The following ANXA8 variants were observed in gnomAD, a reference collection of about 807,000 sequenced individuals.
ANXA8 encodes the protein annexin A8.
Under a neutral mutation model 26.8 loss-of-function variants are expected in ANXA8, and 9 were observed. That is an observed-to-expected ratio of 0.34 (90% CI 0.20 to 0.59). The LOEUF (loss-of-function observed/expected upper bound fraction) is 0.59. Ranked by LOEUF, ANXA8 falls within the 20% of genes least tolerant of loss-of-function variation. The pLI, the probability that ANXA8 is intolerant of heterozygous loss-of-function variation, is 0.84. For synonymous variants in ANXA8, 39 were observed against 94.8 expected, an observed-to-expected ratio of 0.41 and a Z score of 3.42; for missense variants, 83 against 238.5, an observed-to-expected ratio of 0.35 and a Z score of 4.29.
the ANXA8 span, among the ~76,000 whole-genome samples, chr10:47,968,748 T>A: frequency 6.6e-6 from 1 of 151,220 alleles, no homozygotes; most frequent in East Asian, 1.9e-4. Flanking sequence ...CATCAAAAGT[T>A]ACAAAGGCAA....
the ANXA8 span, among the ~76,000 whole-genome samples, chr10:47,702,183 C>G: frequency 6.7e-6 from 1 of 149,284 alleles, no homozygotes; most frequent in Non-Finnish European, 1.5e-5. Context: ...TAAATGGATA[C>G]AGAAATATAG....
the ANXA8 span, among the ~76,000 whole-genome samples, chr10:47,691,633 C>T: frequency 1.3e-5 from 2 of 150,582 alleles, no homozygotes; most frequent in Non-Finnish European, 2.9e-5. Flanking sequence ...GTTTTGCGTG[C>T]CTGTAGTCCC....
the ANXA8 span, chr10:47,582,082 T>C: frequency 4.1e-3 from 618 of 150,940 alleles, 7 homozygotes; most frequent in African/African-American, 0.015. Flanking sequence ...ATTAAGTTAT[T>C]GTGTTAGCTT....
Position 47,468,625 on chromosome 10 carries a change from T to C in ANXA8, c.*222A>G. 1 of 708,636 alleles carries C rather than the reference T, an allele frequency of 1.4e-6. No individual in the cohort carries two copies. The highest frequency in any genetic ancestry group is 2.3e-6 in the Non-Finnish European group (1 of 436,126). 43.9% of individuals were successfully genotyped at this position (708,636 alleles called of 1,614,324 possible). ...GGCTGGAGAAACACTAAGGTTGGCA[T>C]TGTGCTCACACTGGGAAATGACCTG... On this transcript the variant is annotated 3_prime_UTR_variant, in exon 12 of 12. Coordinates refer to ENST00000585281, the MANE Select transcript of ANXA8 (RefSeq NM_001040084.3).
the ANXA8 span, among the ~76,000 whole-genome samples, chr10:47,907,082 C>T: frequency 4.0e-5 from 6 of 151,764 alleles, no homozygotes; most frequent in South Asian, 6.3e-4. Context: ...CCAGGCCGGG[C>T]GCGGTGGCTC....
chr10:47,571,049 A>C, the ANXA8 span, among the ~76,000 whole-genome samples: 2 of 148,584 alleles, frequency 1.3e-5, no homozygotes, highest in African/African-American at 5.1e-5. Context: ...ACCGATTCTG[A>C]GATATGGTGA....
chr10:47,664,100 G>A, the ANXA8 span, among the ~76,000 whole-genome samples: 6 of 151,010 alleles, frequency 4.0e-5, no homozygotes, highest in South Asian at 2.1e-4. Context: ...TAATTGGCTG[G>A]GTGCGGTGGC....
chr10:47,577,492 G>C, the ANXA8 span, among the ~76,000 whole-genome samples: 18 of 146,248 alleles, frequency 1.2e-4, 1 homozygote, highest in African/African-American at 4.4e-4. Context: ...AACATAGTGA[G>C]ACCCCGTCTC....
At position 47,474,357 on chromosome 10, in the gene ANXA8, C is replaced by G; in HGVS notation, c.594G>C (p.Glu198Asp). 1 of 1,540,448 alleles carries G rather than the reference C, an allele frequency of 6.5e-7. No individual in the cohort carries two copies. The highest frequency in any genetic ancestry group is 8.8e-7 in the Non-Finnish European group (1 of 1,140,512). ...AAGEKIRGTD[E>D]MKFITILCTR... is the part of the protein sequence containing the mutation. ...TGCACAGGATGGTGATGAATTTCAT[C>G]TCATCAGTCCCACGAATCTTCTCGC... The change falls in exon 8 of 12, where the codon GAG becomes GAC. Residue 198 changes from glutamate (E) to aspartate (D), a missense_variant. Coordinates refer to ENST00000585281, the MANE Select transcript of ANXA8 (RefSeq NM_001040084.3).
chr10:47,486,467 A>G (rs1471048060), upstream of ANXA8, among the ~76,000 whole-genome samples: 22 of 138,560 alleles, frequency 1.6e-4, 1 homozygote, highest in Admixed American at 7.4e-5. Flanking sequence ...CCTTCCTGAC[A>G]TGAAAGATCT....
chr10:47,594,626 G>A, the ANXA8 span, among the ~76,000 whole-genome samples: 2 of 147,274 alleles, frequency 1.4e-5, no homozygotes, highest in Non-Finnish European at 3.0e-5. Context: ...AATATAGTTG[G>A]GAGACTTAAA....
At chr10:47,959,040 C>T in the ANXA8 span, among the ~76,000 whole-genome samples, 36 of 149,316 alleles carry the variant, frequency 2.4e-4, no homozygotes, top group African/African-American at 8.1e-4. Flanking sequence ...GGGGGAGGGC[C>T]GGGGGATGAG....
upstream of ANXA8, among the ~76,000 whole-genome samples, chr10:47,488,331 C>G (rs1203114062): frequency 1.4e-5 from 2 of 142,178 alleles, no homozygotes; most frequent in Non-Finnish European, 3.0e-5. Flanking sequence ...CTGCCTCAGA[C>G]TCCTGAGTAG....
At chr10:47,506,394 G>C in the ANXA8 span, among the ~76,000 whole-genome samples, 10 of 138,942 alleles carry the variant, frequency 7.2e-5, no homozygotes, top group East Asian at 3.0e-4. Flanking sequence ...GCAATGGCAA[G>C]ATCTCGGCTC....
chr10:47,646,110 T>A, the ANXA8 span, among the ~76,000 whole-genome samples: 1 of 149,408 alleles, frequency 6.7e-6, no homozygotes, highest in Non-Finnish European at 1.5e-5. Context: ...ATCTGTATCA[T>A]CTGTATCTTT....
chr10:47,476,242 C>A lies in ANXA8; in HGVS notation c.402G>T (p.Ala134=). Residue 134 remains alanine (A), a synonymous_variant, in exon 5 of 12, where the codon GCG becomes GCT. Transcript: ENST00000585281. ...TGTGCCACCCCTTACCTTCCTCATACGCCTTCATTATCTCCCGCAGCTGGT... is the reference window on the plus strand; with the variant it reads ...TGTGCCACCCCTTACCTTCCTCATAAGCCTTCATTATCTCCCGCAGCTGGT... ...TKNQLREIMK[A]YEEDYGSSLE... 2 of 485,558 alleles carry A rather than the reference C, an allele frequency of 4.1e-6. No homozygotes were observed. The highest frequency in any genetic ancestry group is 6.4e-6 in the Non-Finnish European group (2 of 312,592). The allele number at this position is 485,558 out of a possible 1,614,324, so 30.1% of individuals were successfully genotyped here.
the ANXA8 span, among the ~76,000 whole-genome samples, chr10:47,702,174 A>T: frequency 9.4e-5 from 14 of 149,190 alleles, no homozygotes; most frequent in African/African-American, 3.5e-4. Flanking sequence ...TAATATAGAT[A>T]AATGGATACA....
At chr10:47,687,033 G>A in the ANXA8 span, among the ~76,000 whole-genome samples, 3 of 151,562 alleles carry the variant, frequency 2.0e-5, no homozygotes, top group East Asian at 5.8e-4. Flanking sequence ...GAGCCCAGCA[G>A]CTTGAGGCTG....
chr10:47,694,487 C>A, the ANXA8 span, among the ~76,000 whole-genome samples: 1 of 138,388 alleles, frequency 7.2e-6, no homozygotes, highest in Admixed American at 8.1e-5. Context: ...GTGGCGTGAT[C>A]TCTGCTCACT....
Sources: gnomAD v4.1 joint callset for allele counts (sites outside exome capture counted in the v4.1 genomes callset) on GRCh38, gnomAD v4.1.1 for gene constraint, MANE v1.5 for transcripts, NCBI Gene and HGNC (gene_info 2026-07-23, HGNC 2026-07-21) for gene names.